The following KCNG2 variants were observed in gnomAD, a reference collection of about 807,000 sequenced individuals.
KCNG2 encodes the protein potassium voltage-gated channel modifier subfamily G member 2, also known as voltage-gated potassium channel regulatory subunit KCNG2.
Under a neutral mutation model 12.3 loss-of-function variants are expected in KCNG2, and 7 were observed. The observed-to-expected ratio is 0.57, with a 90% CI of 0.32 to 1.07. The LOEUF is 1.07. Ranked by LOEUF, KCNG2 falls within the 50% of genes least tolerant of loss-of-function variation. The probability of loss-of-function intolerance (pLI) is 0.04; values close to 1 mark genes in which losing one functional copy is unlikely to be tolerated. For missense variants in KCNG2, 703 were observed against 726.0 expected (o/e 0.97, Z 0.36); for synonymous variants, 414 against 351.4 (o/e 1.18, Z -1.99).
chr18:79,807,314 G>A (rs574303112), intron 1 of KCNG2, among the ~76,000 whole-genome samples: 2 of 152,186 alleles, frequency 1.3e-5, no homozygotes, highest in South Asian at 2.1e-4. Context: ...GGGGTGCCGC[G>A]AGCAAACCTC....
intron 3 of KCNG2, among the ~76,000 whole-genome samples, 186 bp downstream of exon 3, chr18:79,864,477 C>T (rs1979378011): frequency 6.6e-6 from 1 of 152,036 alleles, no homozygotes; most frequent in Non-Finnish European, 1.5e-5. Context: ...TGAGGGAGCG[C>T]CGCTGATGGT....
chr18:79,864,057 G>A lies in KCNG2; in HGVS notation c.390G>A (p.Ala130=), dbSNP rs1979344186. Residue 130 remains alanine, a synonymous_variant, in exon 3 of 4, where the codon GCG becomes GCA. Coordinates refer to ENST00000316249, the MANE Select transcript of KCNG2 (RefSeq NM_012283.2). ...LRRLRRREEE[A]AEARAGPTER... ...GCCTGCGCCGCCGCGAGGAGGAGGC[G>A]GCCGAGGCCCGCGCGGGGCCGACGG... is the stretch of plus-strand genomic sequence containing the variant. 1 of 1,108,868 alleles carries A rather than the reference G, an allele frequency of 9.0e-7. No individual in the cohort carries two copies. Among genetic ancestry groups the A allele is most frequent in the African/African-American group, 1.7e-5 (1 of 59,296 alleles). 68.7% of individuals were successfully genotyped at this position (1,108,868 alleles called of 1,614,324 possible). A position where few individuals can be genotyped will look rare whatever the true frequency, so the allele number is the denominator to read the frequency against.
In KCNG2 at chr18:79,890,025, T is replaced by A. The variant is rs149596613; in HGVS notation, c.625-9015T>A. Among the ~76,000 whole-genome samples, 460 of 152,364 alleles carry A rather than the reference T, an allele frequency of 3.0e-3. 6 individuals are homozygous for A. Among genetic ancestry groups the A allele is most frequent in the Middle Eastern group, 0.024 (7 of 294 alleles). On this transcript the variant is annotated intron_variant, in intron 3 of 3. Transcript: ENST00000316249. ...TATGGATATGATGTATCACGTTAAG[T>A]GATTTTCAGATGTTAAGCCAGCCTT...
chr18:79,866,510 A>G (rs1979561936), intron 3 of KCNG2, among the ~76,000 whole-genome samples: 1 of 126,038 alleles, frequency 7.9e-6, no homozygotes, highest in Admixed American at 8.2e-5. Flanking sequence ...CTGGGTGCTG[A>G]GGTCTGGGTG....
At chr18:79,853,844 C>T (rs1978911030) in intron 1 of KCNG2, among the ~76,000 whole-genome samples, 5 of 152,248 alleles carry the variant, frequency 3.3e-5, no homozygotes, top group Admixed American at 3.3e-4. Flanking sequence ...ACGGGCGCCA[C>T]CCCAGGGCGG....
At chr18:79,894,483 T>A in intron 3 of KCNG2, among the ~76,000 whole-genome samples, 1 of 152,282 alleles carries the variant, frequency 6.6e-6, no homozygotes, top group South Asian at 2.1e-4. Flanking sequence ...TCACTTCTAA[T>A]GTTACAATTG....
intron 3 of KCNG2, among the ~76,000 whole-genome samples, chr18:79,874,646 G>A (rs755227044): frequency 4.3e-4 from 65 of 152,312 alleles, no homozygotes; most frequent in African/African-American, 1.5e-3. Context: ...GTCTGTCTGC[G>A]GGTCATTCTG....
intron 1 of KCNG2, among the ~76,000 whole-genome samples, chr18:79,805,125 GACGT>G (rs1211663768): frequency 2.0e-5 from 3 of 152,176 alleles, no homozygotes; most frequent in Non-Finnish European, 4.4e-5. Flanking sequence ...CACTGTCATG[GACGT>G]ATTTGTAGAT....
Position 79,899,279 on chromosome 18 carries a change from G to C in KCNG2, c.864G>C (p.Arg288=), listed in dbSNP as rs1981102297. The C allele has an allele frequency of 6.3e-7, 1 of 1,575,614 alleles. No homozygotes were observed. The highest frequency in any genetic ancestry group is 8.6e-7 in the Non-Finnish European group (1 of 1,169,210). Residue 288 remains arginine (R), a synonymous_variant, in exon 4 of 4, where the codon CGG becomes CGC. Transcript: ENST00000316249. ...TGGAGCGCGCGGGGCTGGTGCTGCG[G>C]CTGCTGCGTGCGCTGCGCGTGCTCT... ...KLLERAGLVL[R]LLRALRVLYV...
intron 3 of KCNG2, among the ~76,000 whole-genome samples, chr18:79,873,546 G>C (rs1273941262): frequency 2.6e-5 from 4 of 151,982 alleles, no homozygotes; most frequent in African/African-American, 9.7e-5. Context: ...TCGGGGAGCC[G>C]GCCCTAGCTG....
chr18:79,823,604 G>A lies in KCNG2; in HGVS notation c.-115+25590G>A, dbSNP rs80281780. ...TGTGAGAGTCATTTTTATCTTTTGT[G>A]AATGGCCTGTTCATGTGTTTCCCCA... On this transcript the variant is annotated intron_variant, in intron 1 of 3. Transcript: ENST00000316249. Among the ~76,000 whole-genome samples the A allele has an allele frequency of 9.9e-5, 15 of 152,182 alleles. No homozygotes were observed. The East Asian group carries it at 2.9e-3, about 29-fold the overall frequency.
chr18:79,816,687 A>G (rs1379983261), intron 1 of KCNG2, among the ~76,000 whole-genome samples: 2 of 152,220 alleles, frequency 1.3e-5, no homozygotes, highest in African/African-American at 4.8e-5. Flanking sequence ...CACAAATGTG[A>G]AATTTTCCTG....
chr18:79,865,100 G>C (rs1225463692), intron 3 of KCNG2, among the ~76,000 whole-genome samples: 2 of 151,214 alleles, frequency 1.3e-5, no homozygotes, highest in Admixed American at 6.6e-5. Context: ...TGTGTGCTGA[G>C]AGGACCTTGT....
At chr18:79,865,557 CTGGGTGCTGAGAGGTCTGGGTA>C (rs1979466325) in intron 3 of KCNG2, among the ~76,000 whole-genome samples, 1 of 103,958 alleles carries the variant, frequency 9.6e-6, no homozygotes, top group Admixed American at 1.1e-4. Context: ...GTGCTGAGGT[CTGGGTGCTGAGAGGTCTGGGTA>C]TGAGGTCTGG....
At chr18:79,843,156 A>G (rs1268155696) in intron 1 of KCNG2, among the ~76,000 whole-genome samples, 1 of 152,210 alleles carries the variant, frequency 6.6e-6, no homozygotes, top group Non-Finnish European at 1.5e-5. Flanking sequence ...ATATTGGCAT[A>G]TTTCTCAACA....
At chr18:79,863,352 C>T (rs1236493949) in intron 2 of KCNG2, among the ~76,000 whole-genome samples, 1 of 152,262 alleles carries the variant, frequency 6.6e-6, no homozygotes, top group Non-Finnish European at 1.5e-5. Flanking sequence ...CGTTCGACCC[C>T]GTGTTCCAAG....
At chr18:79,851,020 G>A (rs372067163) in intron 1 of KCNG2, among the ~76,000 whole-genome samples, 2 of 152,284 alleles carry the variant, frequency 1.3e-5, no homozygotes, top group East Asian at 3.9e-4. Flanking sequence ...CTTGGACCTT[G>A]TGCAAGAAAG....
chr18:79,844,139 A>G (rs2123040218), intron 1 of KCNG2, among the ~76,000 whole-genome samples: 1 of 152,316 alleles, frequency 6.6e-6, no homozygotes, highest in East Asian at 1.9e-4. Flanking sequence ...ATCATTCACA[A>G]TAGCCAAGAT....
intron 3 of KCNG2, among the ~76,000 whole-genome samples, chr18:79,893,444 T>G (rs970274200): frequency 6.6e-6 from 1 of 151,918 alleles, no homozygotes; most frequent in African/African-American, 2.4e-5. Flanking sequence ...TTGATTGGGT[T>G]GTTCACTCCA....
Sources: allele counts gnomAD v4.1 joint callset (sites outside exome capture counted in the v4.1 genomes callset), GRCh38; gene constraint gnomAD v4.1.1; transcripts MANE v1.5; gene names NCBI Gene and HGNC (gene_info 2026-07-23, HGNC 2026-07-21).